The following CHLSN variants were observed in gnomAD, a reference collection of about 807,000 sequenced individuals.
CHLSN encodes protein cholesin.
chr7:983,039 C>T, the CHLSN span, among the ~76,000 whole-genome samples: 4 of 151,938 alleles, frequency 2.6e-5, no homozygotes, highest in East Asian at 3.9e-4. Context: ...CCACATTCCA[C>T]GCAGGCCTGC....
At chr7:1,078,024 T>C in the CHLSN span, 1 of 152,210 alleles carries the variant, frequency 6.6e-6, no homozygotes, top group African/African-American at 2.4e-5. Flanking sequence ...TTCTCTATAC[T>C]ACAGATTGGC....
the CHLSN span, chr7:1,093,317 G>T: frequency 2.4e-6 from 1 of 424,608 alleles, no homozygotes; most frequent in Non-Finnish European, 5.0e-6. Flanking sequence ...GGTGCTGGTG[G>T]GTCTGAGCTG....
chr7:1,122,062 C>T, the CHLSN span, among the ~76,000 whole-genome samples: 2 of 152,224 alleles, frequency 1.3e-5, no homozygotes, highest in Non-Finnish European at 2.9e-5. Flanking sequence ...CAGCCAGCCA[C>T]AGGAAGGGAT....
chr7:1,015,916 C>T, the CHLSN span, among the ~76,000 whole-genome samples: 1 of 152,324 alleles, frequency 6.6e-6, no homozygotes, highest in East Asian at 1.9e-4. Flanking sequence ...CTGATGTCAC[C>T]TGACCAGACG....
chr7:993,701 AG>A, the CHLSN span, among the ~76,000 whole-genome samples: 2 of 152,140 alleles, frequency 1.3e-5, no homozygotes, highest in African/African-American at 4.8e-5. Flanking sequence ...GCCTGAGCCC[AG>A]GGGGGTGGAG....
the CHLSN span, among the ~76,000 whole-genome samples, chr7:1,120,497 G>A: frequency 3.3e-5 from 5 of 152,106 alleles, no homozygotes; most frequent in South Asian, 4.1e-4. Flanking sequence ...TCACCATGTT[G>A]CCCCGGCTGG....
the CHLSN span, among the ~76,000 whole-genome samples, chr7:981,035 C>T: frequency 6.6e-6 from 1 of 152,052 alleles, no homozygotes; most frequent in African/African-American, 2.4e-5. Flanking sequence ...GTGGCTCACG[C>T]CTGTAATCCC....
the CHLSN span, among the ~76,000 whole-genome samples, chr7:1,010,838 CT>C: frequency 6.6e-6 from 1 of 152,320 alleles, no homozygotes; most frequent in South Asian, 2.1e-4. Flanking sequence ...ACCCCAGCCG[CT>C]GTCCACATGC....
the CHLSN span, among the ~76,000 whole-genome samples, chr7:1,064,226 G>A: frequency 7.9e-5 from 12 of 152,316 alleles, no homozygotes; most frequent in South Asian, 4.1e-4. Flanking sequence ...TGCAGGGTAG[G>A]AGACCCGACA....
chr7:1,125,841 C>T, the CHLSN span, among the ~76,000 whole-genome samples: 10 of 152,170 alleles, frequency 6.6e-5, no homozygotes, highest in African/African-American at 2.4e-4. Flanking sequence ...ACGCGCGCGT[C>T]GTCAGATTTC....
chr7:1,018,545 G>A, the CHLSN span, among the ~76,000 whole-genome samples: 7,513 of 151,956 alleles, frequency 0.049, 591 homozygotes, highest in African/African-American at 0.17. Flanking sequence ...TGCCCAGTGG[G>A]AGCAGGCACC....
At chr7:1,117,304 T>TGC in the CHLSN span, among the ~76,000 whole-genome samples, 2 of 80,862 alleles carry the variant, frequency 2.5e-5, 1 homozygote, top group African/African-American at 1.3e-4. Context: ...ATGACATCAC[T>TGC]ACAGCTCTAC....
the CHLSN span, among the ~76,000 whole-genome samples, chr7:1,001,006 C>T: frequency 1.3e-5 from 2 of 152,314 alleles, no homozygotes; most frequent in South Asian, 2.1e-4. Flanking sequence ...GGCCTGGGGA[C>T]GAGCAGCTCC....
At chr7:1,081,656 G>C in the CHLSN span, among the ~76,000 whole-genome samples, 1 of 151,862 alleles carries the variant, frequency 6.6e-6, no homozygotes, top group Non-Finnish European at 1.5e-5. Flanking sequence ...TGTGGAGCTG[G>C]AGCCAGTCGA....
the CHLSN span, chr7:987,313 C>T: frequency 1.6e-5 from 24 of 1,536,848 alleles, no homozygotes; most frequent in Middle Eastern, 1.9e-4. Context: ...CGAGGGATGG[C>T]GCTGCCACCC....
the CHLSN span, among the ~76,000 whole-genome samples, chr7:1,016,380 C>T: frequency 1.2e-5 from 1 of 83,630 alleles, no homozygotes; most frequent in Non-Finnish European, 2.2e-5. Flanking sequence ...CGCCAGCACA[C>T]AGCAGCACAC....
At chr7:1,050,337 C>T in the CHLSN span, among the ~76,000 whole-genome samples, 1 of 152,360 alleles carries the variant, frequency 6.6e-6, no homozygotes, top group Non-Finnish European at 1.5e-5. Flanking sequence ...TGCTCAGGCT[C>T]AGAGCAGAGC....
chr7:989,769 G>A, the CHLSN span: 1 of 196,784 alleles, frequency 5.1e-6, no homozygotes, highest in Non-Finnish European at 1.1e-5. Flanking sequence ...GACAGAGCGA[G>A]ATTCCATCTC....
At chr7:1,133,931 G>A in the CHLSN span, among the ~76,000 whole-genome samples, 8 of 151,892 alleles carry the variant, frequency 5.3e-5, no homozygotes, top group East Asian at 1.9e-4. Flanking sequence ...CTCAGCCTCC[G>A]GAGTAGCTGG....
Sources: gnomAD v4.1 joint callset for allele counts (sites outside exome capture counted in the v4.1 genomes callset) on GRCh38, gnomAD v4.1.1 for gene constraint, MANE v1.5 for transcripts, NCBI Gene and HGNC (gene_info 2026-07-23, HGNC 2026-07-21) for gene names.